Variants in SMARCA4 observed in about 807,000 individuals in gnomAD.
The protein encoded by SMARCA4 is SWI/SNF related BAF chromatin remodeling complex subunit ATPase 4.
A neutral mutation model predicts 193.9 loss-of-function variants in SMARCA4; 31 were observed. The ratio of observed to expected loss-of-function variants is 0.16; its 90% confidence interval spans 0.12 to 0.22. SMARCA4 has a LOEUF of 0.22. SMARCA4 is among the 10% of genes least tolerant of loss of function. The pLI, the probability that SMARCA4 is intolerant of heterozygous loss-of-function variation, is 1.00. For missense variants in SMARCA4, 1,148 were observed against 2,296.0 expected (o/e 0.50, Z 10.22); for synonymous variants, 942 against 933.1 (o/e 1.01, Z -0.17).
chr19:10,984,963 C>G lies in SMARCA4; in HGVS notation c.223-310C>G, dbSNP rs2085888452. ...TGAAAGGAAAGGTCATATTAGCATC[C>G]ATGAGAAAAGGTGACATTTCTAAGT... On this transcript the variant is annotated intron_variant, in intron 2 of 34. Coordinates refer to ENST00000344626, the MANE Select transcript of SMARCA4 (RefSeq NM_003072.5). This position sits in a 1 kb window ranked among gnomAD's most constrained non-coding sequence, Gnocchi z 4.3. Among the ~76,000 whole-genome samples, 1 of 152,142 alleles carries G rather than the reference C, an allele frequency of 6.6e-6. No homozygotes were observed.
chr19:10,964,090 A>C (rs780033943), intron 1 of SMARCA4, among the ~76,000 whole-genome samples: 1 of 152,060 alleles, frequency 6.6e-6, no homozygotes, highest in Non-Finnish European at 1.5e-5. Flanking sequence ...CAGAATTGTG[A>C]TATAGGGCAG....
intron 30 of SMARCA4, among the ~76,000 whole-genome samples, chr19:11,049,240 G>T (rs2076118240): frequency 6.6e-6 from 1 of 152,046 alleles, no homozygotes; most frequent in Non-Finnish European, 1.5e-5. Context: ...AGCACCAGGG[G>T]CCTCACAGGG....
rs1387188044 is a variant in SMARCA4 at position 11,041,247 on chromosome 19, C to T, written c.4171-60C>T. ...CAGCCCGGCCCCTGGGATTGCGTCG[C>T]GGCCTCTGCTTGTCGACCTGGGTGC... On this transcript the variant is annotated intron_variant, in intron 29 of 34. Transcript: ENST00000344626. This position sits in a 1 kb window ranked among gnomAD's most constrained non-coding sequence, Gnocchi z 5.6. 1.4e-5 allele frequency: 21 copies of T among 1,549,696 alleles called. No individual in the cohort carries two copies. Among genetic ancestry groups the T allele is most frequent in the African/African-American group, 8.2e-5 (6 of 73,608 alleles).
At position 10,974,578 on chromosome 19, in the gene SMARCA4, C is replaced by T. The variant is rs1476782198; in HGVS notation, c.-31-9543C>T. On this transcript the variant is annotated intron_variant, in intron 1 of 34. Transcript: ENST00000344626. ...GATATGGAAAGGGTAAGTTCCTCAT[C>T]ACATGCCATCAGAGAGAGCTACTGG... is the stretch of plus-strand genomic sequence containing the variant. Among the ~76,000 whole-genome samples, 6 of 145,206 alleles carry T rather than the reference C, an allele frequency of 4.1e-5. No homozygotes were observed. In the South Asian group the frequency reaches 1.1e-3, roughly 26 times the overall value.
At chr19:11,026,171 G>T (rs145000191) in intron 22 of SMARCA4, 129 bp from the exon 23 acceptor site, 3 of 777,948 alleles carry the variant, frequency 3.9e-6, no homozygotes, top group Middle Eastern at 3.3e-4. Flanking sequence ...TCTCAGAGCC[G>T]CCGTGGGCCC....
intron 23 of SMARCA4, among the ~76,000 whole-genome samples, chr19:11,026,871 C>T (rs548847915): frequency 1.2e-4 from 18 of 152,342 alleles, no homozygotes; most frequent in Non-Finnish European, 5.9e-5. Flanking sequence ...CTGAGGCAGA[C>T]CTGGCTTACA....
At chr19:11,061,746 T>G (rs1600666253) in intron 34 of SMARCA4, 38 bp from the exon 35 acceptor site, 1 of 1,607,568 alleles carries the variant, frequency 6.2e-7, no homozygotes. Context: ...CTGGCAGGGG[T>G]GGCCAACGCA....
At position 11,022,290 on chromosome 19, in the gene SMARCA4, A is replaced by G. The variant is rs370440213; in HGVS notation, c.2859+323A>G. On this transcript the variant is annotated intron_variant, in intron 19 of 34. Transcript: ENST00000344626. ...GCAAGCGTGTGGAGAGCACAGCTAGAGGCTGTAGCGTGCTGTAGGCCCCTT... is the reference window on the plus strand; with the variant it reads ...GCAAGCGTGTGGAGAGCACAGCTAGGGGCTGTAGCGTGCTGTAGGCCCCTT... 7.6e-4 allele frequency among the ~76,000 whole-genome samples: 116 copies of G among 152,324 alleles called. 1 individual carries two copies. Among genetic ancestry groups the G allele is most frequent in the African/African-American group, 2.5e-3 (105 of 41,564 alleles).
chr19:10,971,796 G>T (rs565947837), intron 1 of SMARCA4, among the ~76,000 whole-genome samples: 197 of 148,366 alleles, frequency 1.3e-3, no homozygotes, highest in African/African-American at 4.1e-3. Context: ...TTTTTTGGAG[G>T]GGGGAGATGG....
intron 21 of SMARCA4, among the ~76,000 whole-genome samples, chr19:11,025,181 G>A (rs1387031340): frequency 6.6e-6 from 1 of 152,184 alleles, no homozygotes; most frequent in Non-Finnish European, 1.5e-5. Flanking sequence ...GTCCCGTCCT[G>A]CTGGCCCTGT....
At chr19:10,996,869 GTGTTT>G (rs2087109157) in intron 11 of SMARCA4, among the ~76,000 whole-genome samples, 1 of 152,108 alleles carries the variant, frequency 6.6e-6, no homozygotes. Context: ...TTCACGTTTT[GTGTTT>G]TGTTTTGTTT....
intron 22 of SMARCA4, 97 bp downstream of exon 22, chr19:11,025,605 G>A (rs949288772): frequency 1.0e-5 from 9 of 868,710 alleles, no homozygotes; most frequent in Non-Finnish European, 1.6e-5. Flanking sequence ...AAACAGACTC[G>A]AATATTTTCA....
chr19:11,059,665 CAGGGCT>C (rs2076742638), intron 32 of SMARCA4, 82 bp from the exon 33 acceptor site: 11 of 1,459,452 alleles, frequency 7.5e-6, no homozygotes, highest in African/African-American at 4.2e-5. Context: ...AGGGGCAACA[CAGGGCT>C]GGGGCTGGGG....
At chr19:10,989,012 A>G (rs184459923) in intron 6 of SMARCA4, among the ~76,000 whole-genome samples, 7 of 152,338 alleles carry the variant, frequency 4.6e-5, no homozygotes, top group Non-Finnish European at 8.8e-5. Flanking sequence ...CGCCTCATCC[A>G]TGCCAGAGCT....
In SMARCA4 at chr19:11,023,550, C is replaced by T. The variant is rs2146452804; in HGVS notation, c.2892C>T (p.Ile964=). The change falls in exon 20 of 35, where the codon ATC becomes ATT. Residue 964 remains isoleucine, a synonymous_variant. Coordinates refer to ENST00000344626, the MANE Select transcript of SMARCA4 (RefSeq NM_003072.5). ...TGAATGAGGAGGAAACCATTCTCATCATCCGGCGTCTCCACAAAGTGCTGC... is the reference window on the plus strand; with the variant it reads ...TGAATGAGGAGGAAACCATTCTCATTATCCGGCGTCTCCACAAAGTGCTGC... ...VDLNEEETIL[I]IRRLHKVLRP... The T allele has an allele frequency of 5.0e-6, 8 of 1,613,406 alleles. No individual in the cohort carries two copies. Among genetic ancestry groups the T allele is most frequent in the South Asian group, 1.1e-5 (1 of 90,916 alleles).
At chr19:11,012,664 T>C (rs2088960336) in intron 15 of SMARCA4, 2 of 452,928 alleles carry the variant, frequency 4.4e-6, no homozygotes, top group South Asian at 2.0e-5. Flanking sequence ...AGGCAGACAA[T>C]GTAACAGGTG....
chr19:10,986,675 G>C lies in SMARCA4; in HGVS notation c.760+82G>C, dbSNP rs2145790067. 1 of 1,528,474 alleles carries C rather than the reference G, an allele frequency of 6.5e-7. No individual in the cohort carries two copies. The highest frequency in any genetic ancestry group is 8.8e-7 in the Non-Finnish European group (1 of 1,142,684). The allele number at this position is 1,528,474 out of a possible 1,614,324, so 94.7% of individuals were successfully genotyped here. A position where few individuals can be genotyped will look rare whatever the true frequency, so the allele number is the denominator to read the frequency against. ...TGGCGGGGTGGACAGACCGTGCTCT[G>C]TTGCCGACTGGGTTCCCCGGTTTGG... On this transcript the variant is annotated intron_variant, in intron 4 of 34. Coordinates refer to ENST00000344626, the MANE Select transcript of SMARCA4 (RefSeq NM_003072.5). This position sits in a 1 kb window ranked among gnomAD's most constrained non-coding sequence, Gnocchi z 6.7.
At chr19:10,989,281 C>T (rs1289879679) in intron 6 of SMARCA4, 36 bp from the exon 7 acceptor site, 1 of 1,613,038 alleles carries the variant, frequency 6.2e-7, no homozygotes, top group African/African-American at 1.3e-5. Flanking sequence ...CCCTGGCAAC[C>T]CTCTCACCGC....
In SMARCA4 at chr19:11,039,511, A is replaced by G. The variant is rs1209999943; in HGVS notation, c.4171-1796A>G. 3 of 1,601,436 alleles carry G rather than the reference A, an allele frequency of 1.9e-6. No individual in the cohort carries two copies. The highest frequency in any genetic ancestry group is 2.6e-6 in the Non-Finnish European group (3 of 1,175,756). ...CAGCCAGCAGTGTGGCACGTGGGCT[A>G]CAATTCCAGCGTGGCCTTCAGTTCT... On this transcript the variant is annotated intron_variant, in intron 29 of 34. Transcript: ENST00000344626.
Sources: gnomAD v4.1 joint callset for allele counts (sites outside exome capture counted in the v4.1 genomes callset) on GRCh38, gnomAD v4.1.1 for gene constraint, Gnocchi (gnomAD v3.1) non-coding constraint, MANE v1.5 for transcripts, NCBI Gene and HGNC (gene_info 2026-07-23, HGNC 2026-07-21) for gene names.